The following TARBP1 variants were observed in gnomAD, a reference collection of about 807,000 sequenced individuals.
TARBP1 encodes the protein tRNA (guanosine(18)-2'-O)-methyltransferase TARBP1.
TARBP1 carries 144 observed loss-of-function variants against 178.6 expected under a neutral mutation model. That is an observed-to-expected ratio of 0.81 (90% CI 0.70 to 0.93). TARBP1 has a LOEUF of 0.93. TARBP1 is among the 40% of genes least tolerant of loss of function. The probability of loss-of-function intolerance (pLI) is 0.00; values close to 1 mark genes in which losing one functional copy is unlikely to be tolerated. For synonymous variants in TARBP1, 787 were observed against 781.0 expected (o/e 1.01, Z -0.13); for missense variants, 2,067 against 2,011.7 (o/e 1.03, Z -0.53).
chr1:234,428,346 C>CA (rs138117583), intron 17 of TARBP1, among the ~76,000 whole-genome samples: 3,590 of 150,612 alleles, frequency 0.024, 56 homozygotes, highest in South Asian at 0.062. Flanking sequence ...TCTACACACA[C>CA]AAAAAAAAAC....
chr1:234,400,291 TG>T (rs1251929610), intron 25 of TARBP1: 7 of 152,196 alleles, frequency 4.6e-5, no homozygotes, highest in African/African-American at 1.7e-4. Context: ...AGAGGAGTCC[TG>T]CAGAAAGATG....
chr1:234,418,055 A>G, intron 22 of TARBP1, 29 bp downstream of exon 22: 1 of 1,191,440 alleles, frequency 8.4e-7, no homozygotes. Context: ...TCTTAGTTTA[A>G]AAATATATAA....
intron 1 of TARBP1, among the ~76,000 whole-genome samples, chr1:234,476,714 C>T (rs1044615681): frequency 1.3e-5 from 2 of 152,208 alleles, no homozygotes; most frequent in African/African-American, 4.8e-5. Context: ...GCTGAACACA[C>T]ATTTAACCAA....
intron 24 of TARBP1, 40 bp downstream of exon 24, chr1:234,405,863 G>T: frequency 6.3e-7 from 1 of 1,578,504 alleles, no homozygotes; most frequent in Non-Finnish European, 8.7e-7. Flanking sequence ...GGCCCTGCTG[G>T]AGGAGAGTGA....
At position 234,405,857 on chromosome 1, in the gene TARBP1, C is replaced by G. The variant is rs1314245284; in HGVS notation, c.3989+46G>C. On this transcript the variant is annotated intron_variant, in intron 24 of 29. Transcript: ENST00000040877. ...GGGCACTGCCCCCTCCCTGTGGGCC[C>G]TGCTGGAGGAGAGTGAGGGCGATGA... 6 of 1,564,858 alleles carry G rather than the reference C, an allele frequency of 3.8e-6. No homozygotes were observed. In the African/African-American group the frequency reaches 8.1e-5, roughly 21 times the overall value.
At chr1:234,462,375 C>T (rs1478986720) in intron 6 of TARBP1, among the ~76,000 whole-genome samples, 1 of 152,140 alleles carries the variant, frequency 6.6e-6, no homozygotes, top group African/African-American at 2.4e-5. Context: ...CTTAATTAAA[C>T]TCCTGAAATC....
rs746803874 is a variant in TARBP1 at position 234,430,273 on chromosome 1, C to G, written c.2423G>C (p.Arg808Thr). The G allele has an allele frequency of 4.3e-6, 7 of 1,614,002 alleles. No individual in the cohort carries two copies. Among genetic ancestry groups the G allele is most frequent in the Non-Finnish European group, 5.1e-6 (6 of 1,180,004 alleles). ...QEPTVGSQIQRVVSMAALAMV... is the reference protein window; with the variant it reads ...QEPTVGSQIQTVVSMAALAMV... ...GGCCAAGGCAGCCATGCTCACTACTCTCTGAATCTGACTTCCAACTGTTGG... is the reference window on the plus strand; with the variant it reads ...GGCCAAGGCAGCCATGCTCACTACTGTCTGAATCTGACTTCCAACTGTTGG... The change falls in exon 15 of 30, where the codon AGA becomes ACA. Residue 808 changes from arginine (R) to threonine (T), a missense_variant. Arg to Thr is a moderately conservative substitution (Grantham distance 71, BLOSUM62 -1). Coordinates refer to ENST00000040877, the MANE Select transcript of TARBP1 (RefSeq NM_005646.4).
At position 234,404,575 on chromosome 1, in the gene TARBP1, T is replaced by C. The variant is rs3768289; in HGVS notation, c.3989+1328A>G. ...CCTTGAAAAGATCAAGATTTTTAGT[T>C]TTCAGAGGACAGTTGGAATTGTAGG... On this transcript the variant is annotated intron_variant, in intron 24 of 29. Transcript: ENST00000040877. Among the ~76,000 whole-genome samples the C allele has an allele frequency of 3.9e-5, 6 of 152,324 alleles. No homozygotes were observed. In the East Asian group the frequency reaches 1.2e-3, roughly 29 times the overall value.
chr1:234,410,616 G>T, intron 22 of TARBP1, 85 bp from the exon 23 acceptor site: 1 of 851,050 alleles, frequency 1.2e-6, no homozygotes, highest in Non-Finnish European at 1.9e-6. Context: ...GACTCTATGA[G>T]GGCCCAGGAC....
At chr1:234,424,305 A>AC (rs1663462855) in intron 20 of TARBP1, among the ~76,000 whole-genome samples, 1 of 152,208 alleles carries the variant, frequency 6.6e-6, no homozygotes, top group East Asian at 1.9e-4. Context: ...GCTCAACTCT[A>AC]CCCCTTCCTA....
Position 234,467,513 on chromosome 1 carries a change from C to A in TARBP1, c.1237G>T (p.Glu413Ter). 3 of 1,588,428 alleles carry A rather than the reference C, an allele frequency of 1.9e-6. No individual in the cohort carries two copies. The highest frequency in any genetic ancestry group is 2.6e-6 in the Non-Finnish European group (3 of 1,171,178). The change falls in exon 4 of 30, where the codon GAA (glutamate) becomes TAA (stop). Residue 413 changes from glutamate to a stop codon, truncating the protein, a stop_gained. Transcript: ENST00000040877. LOFTEE classifies it high-confidence loss of function. ...YETKILPFSP[E>*]FSEFIIGPLM... Reference sequence around the variant, plus strand: ...CAGGGTGTCATTACCTCAGAAAATTCTGGTGAAAATGGAAGAATCTTTGTT... The same window carrying A: ...CAGGGTGTCATTACCTCAGAAAATTATGGTGAAAATGGAAGAATCTTTGTT...
rs200260687 is a variant in TARBP1, at chr1:234,425,061, C to CAA, written c.3444+610_3444+611dup. Among the ~76,000 whole-genome samples, 667 of 128,516 alleles carry CAA rather than the reference C, an allele frequency of 5.2e-3. 4 individuals are homozygous for CAA. The highest frequency in any genetic ancestry group is 0.018 in the African/African-American group (607 of 33,982). The allele number at this position is 128,516 out of a possible 152,430, so 84.3% of individuals were successfully genotyped here. On this transcript the variant is annotated intron_variant, in intron 20 of 29. Transcript: ENST00000040877. ...GGACAACAAGAGCGAAACTCCGTCTCAAAAAAAAAAAAAATTCGCTGGGCA... is the reference window on the plus strand; with the variant it reads ...GGACAACAAGAGCGAAACTCCGTCTCAAAAAAAAAAAAAAAATTCGCTGGGCA...
At position 234,472,750 on chromosome 1, in the gene TARBP1, A is replaced by G. The variant is rs184609280; in HGVS notation, c.993T>C (p.Asn331=). ...KKDELLKFWE[N]YILIMETLEG... is the part of the protein sequence containing the mutation. ...CTAAAGTCTCCATAATTAAAATATA[A>G]TTTTCCCAAAACTTTAGAAGCTCAT... is the stretch of plus-strand genomic sequence containing the variant. Residue 331 remains asparagine, a synonymous_variant, in exon 2 of 30, where the codon AAT becomes AAC. Coordinates refer to ENST00000040877, the MANE Select transcript of TARBP1 (RefSeq NM_005646.4). 18 of 1,603,924 alleles carry G rather than the reference A, an allele frequency of 1.1e-5. No individual in the cohort carries two copies. In the Admixed American group the frequency reaches 1.9e-4, roughly 17 times the overall value.
intron 25 of TARBP1, among the ~76,000 whole-genome samples, chr1:234,400,515 TA>T (rs1489689235): frequency 6.6e-6 from 1 of 152,226 alleles, no homozygotes; most frequent in Non-Finnish European, 1.5e-5. Context: ...CACAGCAGCT[TA>T]AGTTACCAAT....
Position 234,410,479 on chromosome 1 carries a change from T to C in TARBP1, c.3758A>G (p.His1253Arg), listed in dbSNP as rs183798968. 2 of 1,525,944 alleles carry C rather than the reference T, an allele frequency of 1.3e-6. No individual in the cohort carries two copies. The highest frequency in any genetic ancestry group is 3.8e-5 in the Admixed American group (2 of 53,018). 94.5% of individuals were successfully genotyped at this position (1,525,944 alleles called of 1,614,324 possible). A position where few individuals can be genotyped will look rare whatever the true frequency, so the allele number is the denominator to read the frequency against. ...SICTFLAVLSHLDIITQNIPE... is the reference protein window; with the variant it reads ...SICTFLAVLSRLDIITQNIPE... Reference sequence around the variant, plus strand: ...AATATTTTGAGTAATAATGTCTAAATGTGATAAAACTGCTAAAAACGTACA... The same window carrying C: ...AATATTTTGAGTAATAATGTCTAAACGTGATAAAACTGCTAAAAACGTACA... Residue 1253 changes from histidine (H) to arginine (R), a missense_variant, in exon 23 of 30, where the codon CAT (histidine) becomes CGT (arginine). Transcript: ENST00000040877.
chr1:234,409,449 C>T (rs1047381406), intron 23 of TARBP1, among the ~76,000 whole-genome samples: 7 of 152,158 alleles, frequency 4.6e-5, no homozygotes, highest in Admixed American at 1.3e-4. Context: ...AATCTCTTTG[C>T]GGCACATATT....
intron 6 of TARBP1, among the ~76,000 whole-genome samples, chr1:234,461,837 T>G (rs943141235): frequency 6.6e-6 from 1 of 152,234 alleles, no homozygotes; most frequent in Non-Finnish European, 1.5e-5. Context: ...ATCTGTGATT[T>G]CTTAAGGACC....
At chr1:234,473,051 C>G (rs1304755028) in intron 1 of TARBP1, among the ~76,000 whole-genome samples, 1 of 152,058 alleles carries the variant, frequency 6.6e-6, no homozygotes, top group East Asian at 1.9e-4. Flanking sequence ...ATAAACTCTA[C>G]TTTCTCTCCC....
intron 20 of TARBP1, 114 bp downstream of exon 20, chr1:234,425,559 T>C: frequency 8.7e-7 from 1 of 1,147,102 alleles, no homozygotes; most frequent in Non-Finnish European, 1.3e-6. Context: ...AACATAAACT[T>C]TGTGTTTTCT....
Sources: allele counts gnomAD v4.1 joint callset (sites outside exome capture counted in the v4.1 genomes callset), GRCh38; gene constraint gnomAD v4.1.1; transcripts MANE v1.5; gene names NCBI Gene and HGNC (gene_info 2026-07-23, HGNC 2026-07-21).